Variants in JADE2 observed in about 807,000 individuals in gnomAD.
JADE2 encodes the protein jade family PHD finger 2.
A neutral mutation model predicts 85.7 loss-of-function variants in JADE2; 13 were observed. That is an observed-to-expected ratio of 0.15 (90% CI 0.10 to 0.24). The LOEUF is 0.24. Ranked by LOEUF, JADE2 falls within the 10% of genes least tolerant of loss-of-function variation. The pLI is 1.00. For synonymous variants in JADE2, 440 were observed against 456.1 expected (o/e 0.96, Z 0.45); for missense variants, 846 against 1,115.9 (o/e 0.76, Z 3.45).
chr5:134,537,943 G>T, intron 2 of JADE2, 46 bp from the exon 3 acceptor site: 1 of 1,429,788 alleles, frequency 7.0e-7, no homozygotes, highest in Non-Finnish European at 9.9e-7. Flanking sequence ...AGTGGGTGGT[G>T]CTCCTGGCCC....
At chr5:134,563,171 A>C (rs76408679) in intron 7 of JADE2, among the ~76,000 whole-genome samples, 3 of 152,080 alleles carry the variant, frequency 2.0e-5, no homozygotes, top group Non-Finnish European at 4.4e-5. Context: ...CAAAAAAAAA[A>C]TTAGCTGGGC....
At chr5:134,540,219 T>A (rs1761887420) in intron 3 of JADE2, among the ~76,000 whole-genome samples, 1 of 151,668 alleles carries the variant, frequency 6.6e-6, no homozygotes, top group Admixed American at 6.6e-5. Context: ...CGGTCTTTTT[T>A]TTTTCCTTTT....
intron 3 of JADE2, among the ~76,000 whole-genome samples, chr5:134,547,900 C>G (rs1234867625): frequency 6.6e-6 from 1 of 152,192 alleles, no homozygotes; most frequent in Non-Finnish European, 1.5e-5. Flanking sequence ...CCAGGAGATT[C>G]TAACACAGGG....
intron 3 of JADE2, among the ~76,000 whole-genome samples, chr5:134,541,409 C>G (rs952085668): frequency 6.6e-6 from 1 of 152,234 alleles, no homozygotes; most frequent in Non-Finnish European, 1.5e-5. Flanking sequence ...CTAAATCTCA[C>G]GGACTGCTCT....
At chr5:134,530,351 G>C (rs1390068949) in intron 1 of JADE2, among the ~76,000 whole-genome samples, 1 of 152,260 alleles carries the variant, frequency 6.6e-6, no homozygotes. Flanking sequence ...ATTGTGTCTG[G>C]AATGGTAAAT....
chr5:134,570,406 T>C (rs1763917154), intron 9 of JADE2, among the ~76,000 whole-genome samples: 1 of 152,136 alleles, frequency 6.6e-6, no homozygotes, highest in Non-Finnish European at 1.5e-5. Flanking sequence ...TGCGGGTCCT[T>C]TTCCACCAAT....
In JADE2 at chr5:134,579,272, G is replaced by A. The variant is rs762986288; in HGVS notation, c.2460G>A (p.Glu820=). 1 of 1,613,358 alleles carries A rather than the reference G, an allele frequency of 6.2e-7. No homozygotes were observed. The highest frequency in any genetic ancestry group is 8.5e-7 in the Non-Finnish European group (1 of 1,179,880). Residue 820 remains glutamate, a synonymous_variant, in exon 12 of 12, where the codon GAG becomes GAA. Transcript: ENST00000681547. This position sits in a 1 kb window ranked among gnomAD's most constrained non-coding sequence, Gnocchi z 4.6. ...GTGGGGTGCAGCGGGGTCCCCGGGA[G>A]GCAGGGGCAGAGGAGGTGGTCCGCA... ...EDGGVQRGPR[E]AGAEEVVRMG... is the part of the protein sequence containing the mutation.
chr5:134,536,706 A>G (rs971775047), intron 2 of JADE2: 15 of 152,288 alleles, frequency 9.8e-5, no homozygotes, highest in Non-Finnish European at 2.1e-4. Context: ...TGTGGGTAGG[A>G]GAGTTGTGCT....
At chr5:134,543,986 G>C (rs1762137353) in intron 3 of JADE2, among the ~76,000 whole-genome samples, 1 of 152,256 alleles carries the variant, frequency 6.6e-6, no homozygotes, top group South Asian at 2.1e-4. Context: ...GTGAAGGACA[G>C]TTCTGGGAGA....
chr5:134,568,484 G>A (rs1421394762), intron 9 of JADE2, among the ~76,000 whole-genome samples: 2 of 152,218 alleles, frequency 1.3e-5, no homozygotes, highest in Admixed American at 6.5e-5. Flanking sequence ...CGGGGAATGA[G>A]AGCTGCTGCA....
Position 134,566,249 on chromosome 5 carries a change from G to T in JADE2, c.1103G>T (p.Gly368Val), listed in dbSNP as rs115315395. The stretch of plus-strand genomic sequence containing the variant: ...TTCTGCCAGGAGCACAGTGACGGGG[G>T]CCCACGTAATGAGCCCACATCTGAG... Reference protein sequence around the residue: ...KSFCQEHSDGGPRNEPTSEPT... With the variant: ...KSFCQEHSDGVPRNEPTSEPT... The change falls in exon 9 of 12, where the codon GGC becomes GTC. Residue 368 changes from glycine (G) to valine (V), a missense_variant. Around this residue, in one of 9 missense-constraint regions of JADE2, gnomAD observed 39 missense variants for 37.6 expected, o/e 1.04. Transcript: ENST00000681547. The surrounding 1 kb of genome is among the most constrained non-coding windows in gnomAD (Gnocchi z 6.7). The T allele has an allele frequency of 0.014, 22,315 of 1,614,122 alleles. 192 individuals carry two copies. Among genetic ancestry groups the T allele is most frequent in the Non-Finnish European group, 0.015 (17,425 of 1,180,036 alleles).
intron 4 of JADE2, among the ~76,000 whole-genome samples, chr5:134,557,391 T>A (rs1051181792): frequency 2.4e-4 from 33 of 137,392 alleles, no homozygotes; most frequent in Admixed American, 5.7e-4. Flanking sequence ...TTTTTTTTTT[T>A]AATTATACTC....
intron 3 of JADE2, among the ~76,000 whole-genome samples, chr5:134,550,481 A>T (rs1762529411): frequency 6.6e-6 from 1 of 152,204 alleles, no homozygotes; most frequent in South Asian, 2.1e-4. Context: ...ACAGCGGTGG[A>T]TGCTGACTTT....
Position 134,540,689 on chromosome 5 carries a change from C to G in JADE2, c.153+2606C>G, listed in dbSNP as rs372223865. 2.6e-5 allele frequency among the ~76,000 whole-genome samples: 4 copies of G among 152,164 alleles called. No homozygotes were observed. The East Asian group carries it at 5.8e-4, about 22-fold the overall frequency. On this transcript the variant is annotated intron_variant, in intron 3 of 11. Transcript: ENST00000681547. Reference sequence around the variant, plus strand: ...CCTGTCTTTCGAGAATCCCACCTATCTCCTGTTTGTTGTAGCTGTTCAAGT... The same window carrying G: ...CCTGTCTTTCGAGAATCCCACCTATGTCCTGTTTGTTGTAGCTGTTCAAGT...
intron 4 of JADE2, among the ~76,000 whole-genome samples, chr5:134,554,737 T>C (rs1379315403): frequency 1.3e-5 from 2 of 152,052 alleles, no homozygotes; most frequent in Non-Finnish European, 2.9e-5. Flanking sequence ...TCTCCACGCC[T>C]CTTCTGTTGC....
At chr5:134,538,372 G>A (rs1158707269) in intron 3 of JADE2, among the ~76,000 whole-genome samples, 1 of 152,190 alleles carries the variant, frequency 6.6e-6, no homozygotes, top group African/African-American at 2.4e-5. Context: ...TGAGAGAAGG[G>A]AGAGTTGCAG....
At position 134,552,102 on chromosome 5, in the gene JADE2, G is replaced by A. The variant is rs1395389783; in HGVS notation, c.204G>A (p.Gln68=). ...CCATGAAGATCCCGGACTCATACCA[G>A]CTCAGCCCGGATGACTACTACATCC... ...ITAMKIPDSY[Q]LSPDDYYILA... The change falls in exon 4 of 12, where the codon CAG becomes CAA. Residue 68 remains glutamine (Q), a synonymous_variant. Coordinates refer to ENST00000681547, the MANE Select transcript of JADE2 (RefSeq NM_001388185.1). 3 of 1,614,176 alleles carry A rather than the reference G, an allele frequency of 1.9e-6. No individual in the cohort carries two copies. The highest frequency in any genetic ancestry group is 1.1e-5 in the South Asian group (1 of 91,078).
chr5:134,529,135 G>A (rs1197737328), intron 1 of JADE2, among the ~76,000 whole-genome samples: 3 of 152,216 alleles, frequency 2.0e-5, no homozygotes, highest in Non-Finnish European at 4.4e-5. Context: ...TCATGACACA[G>A]GTAAGAGGCT....
chr5:134,529,515 A>G (rs1367660853), intron 1 of JADE2, among the ~76,000 whole-genome samples: 3 of 152,266 alleles, frequency 2.0e-5, no homozygotes, highest in Non-Finnish European at 2.9e-5. Flanking sequence ...TACAAGGAGC[A>G]CTTTCTGCAA....
Sources: gnomAD v4.1 joint callset for allele counts (sites outside exome capture counted in the v4.1 genomes callset) on GRCh38, gnomAD v4.1.1 for gene constraint, gnomAD v4.1.1 regional missense constraint, Gnocchi (gnomAD v3.1) non-coding constraint, MANE v1.5 for transcripts, NCBI Gene and HGNC (gene_info 2026-07-23, HGNC 2026-07-21) for gene names.